The following RBFOX2 variants were observed in gnomAD, a reference collection of about 807,000 sequenced individuals.
RBFOX2 encodes RNA binding fox-1 homolog 2.
In RBFOX2, 10 loss-of-function variants were observed where a neutral mutation model predicts 49.1. The observed-to-expected ratio is 0.20, with a 90% CI of 0.13 to 0.35. The LOEUF is 0.35. RBFOX2 is among the 10% of genes least tolerant of loss of function. The pLI is 1.00. For missense variants in RBFOX2, 323 were observed against 486.9 expected (o/e 0.66, Z 3.17); for synonymous variants, 183 against 187.4 (o/e 0.98, Z 0.19).
exon 12 of RBFOX2, chr22:35,741,206 T>G (rs977100290): frequency 2.0e-5 from 3 of 152,188 alleles, no homozygotes; most frequent in African/African-American, 7.2e-5. Flanking sequence ...AAGAGGGACA[T>G]GGAGATAAAG....
rs375064495 is a variant in RBFOX2, at chr22:35,947,196, C to CA, written c.43-8300dup. 7.1e-4 allele frequency among the ~76,000 whole-genome samples: 102 copies of CA among 144,108 alleles called. 1 individual carries two copies. Among genetic ancestry groups the CA allele is most frequent in the East Asian group, 6.3e-3 (31 of 4,940 alleles). The allele number at this position is 144,108 out of a possible 152,430, so 94.5% of individuals were successfully genotyped here. The stretch of plus-strand genomic sequence containing the variant: ...GACAGAGCAAAACTCTTCCCTGCCA[C>CA]AAAAAAAAAAGATTATAATGAAGCT... On this transcript the variant is annotated intron_variant, in intron 1 of 5. Coordinates refer to the RBFOX2 transcript ENST00000408983.
chr22:35,750,019 G>A (rs1421581535), intron 9 of RBFOX2, among the ~76,000 whole-genome samples: 2 of 152,114 alleles, frequency 1.3e-5, no homozygotes, highest in Non-Finnish European at 2.9e-5. Flanking sequence ...AATTACTAGA[G>A]CGTGCAGCCA....
At chr22:35,941,355 G>A (rs190210597), upstream of RBFOX2, among the ~76,000 whole-genome samples, 1 of 152,220 alleles carries the variant, frequency 6.6e-6, no homozygotes, top group East Asian at 1.9e-4. Flanking sequence ...TGGAAAAGAG[G>A]AAGAGATAGA....
At chr22:35,825,858 G>A (rs374862718) in intron 1 of RBFOX2, among the ~76,000 whole-genome samples, 4 of 151,384 alleles carry the variant, frequency 2.6e-5, no homozygotes, top group Non-Finnish European at 5.9e-5. Flanking sequence ...GCAGGTGCCC[G>A]TAATCCCAGC....
chr22:35,878,041 CACACACACACA>C (rs1485755593), intron 1 of RBFOX2, among the ~76,000 whole-genome samples: 1 of 64,152 alleles, frequency 1.6e-5, no homozygotes, highest in African/African-American at 6.8e-5. Context: ...ACTACTACTA[CACACACACACA>C]CACACACACA....
chr22:35,820,308 G>A (rs1954190860), intron 1 of RBFOX2, among the ~76,000 whole-genome samples: 1 of 152,202 alleles, frequency 6.6e-6, no homozygotes, highest in Non-Finnish European at 1.5e-5. Context: ...AAGAGGGTTT[G>A]GTGCAGGTGG....
intron 1 of RBFOX2, among the ~76,000 whole-genome samples, chr22:35,924,126 CT>C (rs1202245545): frequency 6.6e-6 from 1 of 152,152 alleles, no homozygotes; most frequent in Non-Finnish European, 1.5e-5. Context: ...AAACTACTTG[CT>C]TTATACAGTG....
chr22:35,976,896 G>T (rs575499732), intron 1 of RBFOX2, among the ~76,000 whole-genome samples: 152 of 151,734 alleles, frequency 1.0e-3, no homozygotes, highest in Admixed American at 2.2e-3. Context: ...CCCAGGAGGC[G>T]GAGGTTGCAG....
At chr22:35,967,672 T>C (rs1379893012) in intron 1 of RBFOX2, among the ~76,000 whole-genome samples, 2 of 152,166 alleles carry the variant, frequency 1.3e-5, no homozygotes, top group African/African-American at 2.4e-5. Context: ...CTGAGAATTT[T>C]GACATTGGAG....
intron 1 of RBFOX2, among the ~76,000 whole-genome samples, chr22:35,870,468 T>G (rs1359368124): frequency 6.6e-6 from 1 of 152,180 alleles, no homozygotes; most frequent in South Asian, 2.1e-4. Context: ...CTAGACTCCA[T>G]CTCAAAACAT....
upstream of RBFOX2, among the ~76,000 whole-genome samples, chr22:35,940,104 T>G (rs1026021087): frequency 6.6e-6 from 1 of 152,166 alleles, no homozygotes; most frequent in African/African-American, 2.4e-5. Context: ...CACTAATTGG[T>G]AGGTTGACTA....
exon 12 of RBFOX2, chr22:35,739,229 G>C (rs557172563): frequency 3.5e-4 from 53 of 152,762 alleles, no homozygotes; most frequent in African/African-American, 1.1e-3. Context: ...TGGAGGAACA[G>C]CATGTTGCAT....
intron 1 of RBFOX2, among the ~76,000 whole-genome samples, chr22:35,812,921 C>T (rs970879503): frequency 6.6e-5 from 10 of 152,194 alleles, no homozygotes; most frequent in Non-Finnish European, 1.0e-4. Context: ...TGAATAAACA[C>T]ATCAATTAGC....
At chr22:36,025,610 G>C (rs2059402366) in intron 1 of RBFOX2, among the ~76,000 whole-genome samples, 1 of 152,136 alleles carries the variant, frequency 6.6e-6, no homozygotes, top group Admixed American at 6.5e-5. Context: ...GTATATTCAT[G>C]TAATACTCTC....
At chr22:35,897,494 T>G (rs2048002271) in intron 1 of RBFOX2, 1 of 817,124 alleles carries the variant, frequency 1.2e-6, no homozygotes, top group African/African-American at 1.7e-5. Flanking sequence ...AGTCTCTTGC[T>G]ACCCACTGAT....
chr22:35,959,058 G>A (rs947065354), intron 1 of RBFOX2, among the ~76,000 whole-genome samples: 1 of 152,186 alleles, frequency 6.6e-6, no homozygotes, highest in Non-Finnish European at 1.5e-5. Context: ...ACAGAGATGA[G>A]ATGGTACTGA....
intron 2 of RBFOX2, among the ~76,000 whole-genome samples, chr22:35,784,300 C>A (rs1945883440): frequency 6.6e-6 from 1 of 152,246 alleles, no homozygotes; most frequent in South Asian, 2.1e-4. Flanking sequence ...TCTCATTAGG[C>A]CAGAGGCAGG....
At chr22:35,866,394 C>A (rs996890532) in intron 1 of RBFOX2, among the ~76,000 whole-genome samples, 3 of 152,074 alleles carry the variant, frequency 2.0e-5, no homozygotes, top group African/African-American at 7.2e-5. Context: ...AACAATTTAT[C>A]TTGGAATATT....
At chr22:35,990,803 A>C (rs1421429063) in intron 1 of RBFOX2, among the ~76,000 whole-genome samples, 1 of 152,206 alleles carries the variant, frequency 6.6e-6, no homozygotes, top group Non-Finnish European at 1.5e-5. Flanking sequence ...ACAATAAATG[A>C]CAGTACTGCA....
Sources: allele counts gnomAD v4.1 joint callset (sites outside exome capture counted in the v4.1 genomes callset), GRCh38; gene constraint gnomAD v4.1.1; transcripts MANE v1.5; gene names NCBI Gene and HGNC (gene_info 2026-07-23, HGNC 2026-07-21).